Variants in ENTPD7 observed in about 807,000 individuals in gnomAD.
The protein encoded by ENTPD7 is NTPDase 7.
In ENTPD7, 53 loss-of-function variants were observed where a neutral mutation model predicts 77.9. The observed-to-expected ratio is 0.68, with a 90% CI of 0.55 to 0.85. ENTPD7 has a LOEUF of 0.85. ENTPD7 is among the 40% of genes least tolerant of loss of function. ENTPD7 has a pLI of 0.00. For synonymous variants in ENTPD7, 248 were observed against 274.9 expected (o/e 0.90, Z 0.97); for missense variants, 636 against 743.7 (o/e 0.86, Z 1.68).
At chr10:99,679,164 A>G in intron 3 of ENTPD7, 97 bp from the exon 4 acceptor site, 1 of 1,157,728 alleles carries the variant, frequency 8.6e-7, no homozygotes, top group Non-Finnish European at 1.3e-6. Flanking sequence ...TAGCACATGT[A>G]GGCACTTAAT....
At chr10:99,663,658 G>A (rs144841233) in intron 3 of ENTPD7, among the ~76,000 whole-genome samples, 126 of 151,828 alleles carry the variant, frequency 8.3e-4, no homozygotes, top group Non-Finnish European at 1.5e-3. Context: ...GTGAGGTCTC[G>A]CAGTGTTGCT....
intron 3 of ENTPD7, among the ~76,000 whole-genome samples, chr10:99,662,992 A>G (rs867243182): frequency 6.6e-6 from 1 of 152,270 alleles, no homozygotes; most frequent in Non-Finnish European, 1.5e-5. Flanking sequence ...TCAGAAGTCA[A>G]TGTGGCAGAT....
At chr10:99,686,583 A>ATTTCT (rs567229822) in intron 6 of ENTPD7, among the ~76,000 whole-genome samples, 1 of 151,756 alleles carries the variant, frequency 6.6e-6, no homozygotes, top group Non-Finnish European at 1.5e-5. Context: ...TTAATATTCT[A>ATTTCT]TTTCTTTTCT....
rs145898722 is a variant in ENTPD7 at position 99,697,438 on chromosome 10, G to C, written c.1011-1096G>C. ...TCTACTCCTTTCTTTTCTGTCTGCT[G>C]TTTTCTGCTGCCTCCAAACTACTTC... On this transcript the variant is annotated intron_variant, in intron 9 of 12. Transcript: ENST00000370489. 1.2e-3 allele frequency: 195 copies of C among 157,996 alleles called. 1 individual carries two copies. The highest frequency in any genetic ancestry group is 1.9e-3 in the Non-Finnish European group (134 of 69,906). The allele number at this position is 157,996 out of a possible 1,614,324, so 9.8% of individuals were successfully genotyped here. A position where few individuals can be genotyped will look rare whatever the true frequency, so the allele number is the denominator to read the frequency against.
rs1362856296 is a variant in ENTPD7 at position 99,706,417 on chromosome 10, C to T, written c.*1734C>T. ...TGTGCAACATCATGGCTCACCGCAGCCTCAACCTCCTGGGCTCAAACAGTC... is the reference window on the plus strand; with the variant it reads ...TGTGCAACATCATGGCTCACCGCAGTCTCAACCTCCTGGGCTCAAACAGTC... On this transcript the variant is annotated 3_prime_UTR_variant, in exon 13 of 13. Coordinates refer to ENST00000370489, the MANE Select transcript of ENTPD7 (RefSeq NM_020354.5). 6.6e-6 allele frequency among the ~76,000 whole-genome samples: 1 copy of T among 151,890 alleles called. No homozygotes were observed. Among genetic ancestry groups the T allele is most frequent in the Non-Finnish European group, 1.5e-5 (1 of 67,986 alleles).
chr10:99,703,424 A>G (rs1412323), intron 12 of ENTPD7, among the ~76,000 whole-genome samples: 130,858 of 152,236 alleles, frequency 0.86, 56,324 homozygotes, highest in Middle Eastern at 0.92. Context: ...TTACTGTCAC[A>G]CACAAGCACT....
intron 3 of ENTPD7, among the ~76,000 whole-genome samples, chr10:99,663,906 C>T (rs2035517410): frequency 6.6e-6 from 1 of 152,130 alleles, no homozygotes; most frequent in Non-Finnish European, 1.5e-5. Flanking sequence ...ACTCCAGTAA[C>T]ATGTATATTG....
Position 99,706,596 on chromosome 10 carries a change from A to G in ENTPD7, c.*1913A>G, listed in dbSNP as rs1324026453. On this transcript the variant is annotated 3_prime_UTR_variant, in exon 13 of 13. Transcript: ENST00000370489. ...GCAATCCTCCCACCTCAGCCTCCCA[A>G]AGTGCTGGGATTACAAGCATGAGCT... is the stretch of plus-strand genomic sequence containing the variant. Among the ~76,000 whole-genome samples the G allele has an allele frequency of 6.6e-6, 1 of 151,986 alleles. No individual in the cohort carries two copies. The highest frequency in any genetic ancestry group is 6.5e-5 in the Admixed American group (1 of 15,270).
chr10:99,679,405 G>A lies in ENTPD7; in HGVS notation c.336G>A (p.Leu112=), dbSNP rs762739508. Residue 112 remains leucine, a synonymous_variant, in exon 4 of 13, where the codon TTG becomes TTA. Coordinates refer to ENST00000370489, the MANE Select transcript of ENTPD7 (RefSeq NM_020354.5). ...WPRHNGNPHD[L]LDIKQMRDRN... is the part of the protein sequence containing the mutation. ...GACATAATGGGAACCCCCATGACTT[G>A]CTGGACATCAAACAGATGAGAGACC... 1.9e-5 allele frequency: 31 copies of A among 1,613,992 alleles called. No homozygotes were observed. The highest frequency in any genetic ancestry group is 2.7e-5 in the African/African-American group (2 of 74,888).
chr10:99,699,377 A>G (rs2036058615), intron 10 of ENTPD7, among the ~76,000 whole-genome samples: 2 of 152,346 alleles, frequency 1.3e-5, no homozygotes, highest in South Asian at 4.1e-4. Context: ...GATTTAAAAT[A>G]GAGGAGTAAA....
chr10:99,672,755 T>C (rs910914741), intron 3 of ENTPD7, among the ~76,000 whole-genome samples: 4 of 152,230 alleles, frequency 2.6e-5, no homozygotes, highest in African/African-American at 9.6e-5. Context: ...ACAGCTACTT[T>C]AACTGTAATA....
chr10:99,702,775 G>A (rs1320782840), intron 12 of ENTPD7, 102 bp downstream of exon 12: 3 of 1,116,760 alleles, frequency 2.7e-6, no homozygotes, highest in South Asian at 4.6e-5. Context: ...CTTAGAATAG[G>A]TCTTAAGTGA....
chr10:99,678,991 G>T (rs1194980172), intron 3 of ENTPD7, among the ~76,000 whole-genome samples: 1 of 151,246 alleles, frequency 6.6e-6, no homozygotes, highest in Non-Finnish European at 1.5e-5. Flanking sequence ...AAAAAAGATT[G>T]CTACCTTAGC....
In ENTPD7 at chr10:99,687,765, G is replaced by C. The variant is rs141317675; in HGVS notation, c.653-929G>C. ...TTCATACACAACTTTGCTCCCTACT[G>C]TCTGTGATCCCTCTGCCACTTTCTG... On this transcript the variant is annotated intron_variant, in intron 6 of 12. Transcript: ENST00000370489. Among the ~76,000 whole-genome samples the C allele has an allele frequency of 3.4e-3, 518 of 152,250 alleles. 4 individuals are homozygous for C. Among genetic ancestry groups the C allele is most frequent in the African/African-American group, 0.012 (487 of 41,540 alleles).
intron 3 of ENTPD7, among the ~76,000 whole-genome samples, chr10:99,673,527 A>G (rs182533179): frequency 2.6e-5 from 4 of 152,318 alleles, no homozygotes; most frequent in Admixed American, 2.0e-4. Flanking sequence ...TGTATGCACA[A>G]TGAGAAAAAT....
chr10:99,674,503 AT>A (rs1316715801), intron 3 of ENTPD7, among the ~76,000 whole-genome samples: 1 of 151,882 alleles, frequency 6.6e-6, no homozygotes, highest in Non-Finnish European at 1.5e-5. Context: ...CTACCATTAA[AT>A]TTTCTGTTTC....
intron 2 of ENTPD7, chr10:99,660,326 G>T (rs1048913087): frequency 8.9e-5 from 106 of 1,189,930 alleles, no homozygotes; most frequent in Non-Finnish European, 1.0e-4. Flanking sequence ...ACAGACCGAG[G>T]TCCTTTTGAA....
intron 9 of ENTPD7, 34 bp downstream of exon 9, chr10:99,696,156 A>G: frequency 6.2e-7 from 1 of 1,607,672 alleles, no homozygotes; most frequent in Non-Finnish European, 8.5e-7. Context: ...TTTCTGAAAT[A>G]TAATGTCAGG....
intron 3 of ENTPD7, among the ~76,000 whole-genome samples, chr10:99,670,027 G>T (rs1359069547): frequency 6.6e-6 from 1 of 152,046 alleles, no homozygotes; most frequent in African/African-American, 2.4e-5. Flanking sequence ...GGGATTACAG[G>T]CGTGAGTCAC....
Sources: allele counts gnomAD v4.1 joint callset (sites outside exome capture counted in the v4.1 genomes callset), GRCh38; gene constraint gnomAD v4.1.1; transcripts MANE v1.5; gene names NCBI Gene and HGNC (gene_info 2026-07-23, HGNC 2026-07-21).